CNTNAP2: variants seen among roughly 807,000 people sequenced by gnomAD.
The protein encoded by CNTNAP2 is contactin associated protein 2.
Under a neutral mutation model 155.2 loss-of-function variants are expected in CNTNAP2, and 98 were observed. That is an observed-to-expected ratio of 0.63 (90% CI 0.54 to 0.75). CNTNAP2 has a LOEUF of 0.75. Among genes scored for constraint, CNTNAP2 ranks in the 30% least tolerant of loss-of-function variants. The probability of loss-of-function intolerance (pLI) is 0.00; values close to 1 mark genes in which losing one functional copy is unlikely to be tolerated. For missense variants in CNTNAP2, 1,727 were observed against 1,688.1 expected (o/e 1.02, Z -0.40); for synonymous variants, 651 against 631.2 (o/e 1.03, Z -0.47).
chr7:148,039,159 C>A (rs1230437712), intron 15 of CNTNAP2, among the ~76,000 whole-genome samples: 3 of 152,064 alleles, frequency 2.0e-5, no homozygotes, highest in South Asian at 2.1e-4. Context: ...GCCTCAGAAC[C>A]GGGAAAATTA....
intron 13 of CNTNAP2, among the ~76,000 whole-genome samples, chr7:147,842,412 A>G: frequency 6.6e-6 from 1 of 152,250 alleles, no homozygotes; most frequent in Non-Finnish European, 1.5e-5. Context: ...TATGTTAATA[A>G]TATAATTTTT....
In CNTNAP2 at chr7:146,407,777, A is replaced by G. The variant is rs149388834; in HGVS notation, c.97+290804A>G. Reference sequence around the variant, plus strand: ...TTCACTGTAATGTGGATCTTCTTCTACGTCTGCCACCACTGAGACAGCAAG... The same window carrying G: ...TTCACTGTAATGTGGATCTTCTTCTGCGTCTGCCACCACTGAGACAGCAAG... On this transcript the variant is annotated intron_variant, in intron 1 of 23. Coordinates refer to ENST00000361727, the MANE Select transcript of CNTNAP2 (RefSeq NM_014141.6). Among the ~76,000 whole-genome samples the G allele has an allele frequency of 7.1e-3, 1,088 of 152,176 alleles. 13 individuals are homozygous for G. The highest frequency in any genetic ancestry group is 0.021 in the African/African-American group (886 of 41,512).
intron 2 of CNTNAP2, among the ~76,000 whole-genome samples, chr7:146,812,052 T>G (rs1414855397): frequency 6.6e-6 from 1 of 152,008 alleles, no homozygotes; most frequent in Non-Finnish European, 1.5e-5. Flanking sequence ...ATACAGTAAA[T>G]TGGTACTGGG....
chr7:146,583,429 T>G (rs932279920), intron 1 of CNTNAP2, among the ~76,000 whole-genome samples: 1 of 152,022 alleles, frequency 6.6e-6, no homozygotes, highest in Non-Finnish European at 1.5e-5. Context: ...GAGGAGGGAA[T>G]GAAGTTGAGC....
rs1802784492 is a variant in CNTNAP2 at position 148,046,863 on chromosome 7, A to C, written c.2383+68874A>C. Reference sequence around the variant, plus strand: ...AATGTTCTTCAATTTTTCATTTGTGAAACTGAATAGTCTCTTCTGAAAGAG... The same window carrying C: ...AATGTTCTTCAATTTTTCATTTGTGCAACTGAATAGTCTCTTCTGAAAGAG... On this transcript the variant is annotated intron_variant, in intron 15 of 23. Transcript: ENST00000361727. Among the ~76,000 whole-genome samples, 2 of 152,200 alleles carry C rather than the reference A, an allele frequency of 1.3e-5. 1 individual carries two copies. Among genetic ancestry groups the C allele is most frequent in the South Asian group, 4.1e-4 (2 of 4,826 alleles).
intron 8 of CNTNAP2, among the ~76,000 whole-genome samples, chr7:147,163,777 A>G (rs1802072480): frequency 6.6e-6 from 1 of 152,194 alleles, no homozygotes; most frequent in Non-Finnish European, 1.5e-5. Flanking sequence ...TAAATTGGAC[A>G]TCTCAAATGG....
At chr7:147,050,318 C>T (rs113339093) in intron 4 of CNTNAP2, among the ~76,000 whole-genome samples, 35 of 152,290 alleles carry the variant, frequency 2.3e-4, no homozygotes, top group African/African-American at 6.0e-4. Context: ...ACACAGTGCA[C>T]TGATTAAAGT....
At chr7:147,229,746 G>T (rs929624941) in intron 8 of CNTNAP2, among the ~76,000 whole-genome samples, 1 of 152,038 alleles carries the variant, frequency 6.6e-6, no homozygotes, top group African/African-American at 2.4e-5. Flanking sequence ...AACTTGCAAA[G>T]GTAGATTATT....
In CNTNAP2 at chr7:147,377,881, A is replaced by C. The variant is rs997675209; in HGVS notation, c.1499-17728A>C. 37 of 375,628 alleles carry C rather than the reference A, an allele frequency of 9.9e-5. No individual in the cohort carries two copies. The East Asian group carries it at 2.7e-3, about 27-fold the overall frequency. 23.3% of individuals were successfully genotyped at this position (375,628 alleles called of 1,614,324 possible). A position where few individuals can be genotyped will look rare whatever the true frequency, so the allele number is the denominator to read the frequency against. Reference sequence around the variant, plus strand: ...TGTGCTGTTATAGCATGCTGTGTTTAGTGCTAGATTACCTTTATAAAAATG... The same window carrying C: ...TGTGCTGTTATAGCATGCTGTGTTTCGTGCTAGATTACCTTTATAAAAATG... On this transcript the variant is annotated intron_variant, in intron 9 of 23. Transcript: ENST00000361727.
At chr7:146,287,927 T>G (rs944989995) in intron 1 of CNTNAP2, among the ~76,000 whole-genome samples, 4 of 152,170 alleles carry the variant, frequency 2.6e-5, no homozygotes, top group Admixed American at 6.5e-5. Flanking sequence ...AGTATAAAAA[T>G]AGTTGTCTCC....
At chr7:147,060,365 G>A (rs1169523694) in intron 4 of CNTNAP2, among the ~76,000 whole-genome samples, 1 of 152,164 alleles carries the variant, frequency 6.6e-6, no homozygotes, top group East Asian at 1.9e-4. Flanking sequence ...TGTATTAGGT[G>A]AAGAAAAGCA....
In CNTNAP2 at chr7:148,185,325, A is replaced by T. The variant is rs896855574; in HGVS notation, c.3010+12847A>T. Among the ~76,000 whole-genome samples, 7 of 152,224 alleles carry T rather than the reference A, an allele frequency of 4.6e-5. No individual in the cohort carries two copies. In the East Asian group the frequency reaches 1.3e-3, roughly 29 times the overall value. ...AGTCATTTGGCCTGGAACATCATTA[A>T]AGCAGCAAACACACTTGAGATTAAA... On this transcript the variant is annotated intron_variant, in intron 18 of 23. Transcript: ENST00000361727.
intron 8 of CNTNAP2, among the ~76,000 whole-genome samples, chr7:147,286,775 C>A (rs1453747349): frequency 6.6e-6 from 1 of 152,024 alleles, no homozygotes; most frequent in African/African-American, 2.4e-5. Flanking sequence ...TCATATCTTC[C>A]CTTTCCATTC....
chr7:148,171,875 T>C (rs983107643), intron 17 of CNTNAP2, among the ~76,000 whole-genome samples: 1 of 152,226 alleles, frequency 6.6e-6, no homozygotes, highest in Admixed American at 6.5e-5. Context: ...ATTTTTTCAA[T>C]AAGTAATGCT....
At chr7:146,466,116 C>T (rs986922872) in intron 1 of CNTNAP2, among the ~76,000 whole-genome samples, 1 of 152,060 alleles carries the variant, frequency 6.6e-6, no homozygotes, top group African/African-American at 2.4e-5. Context: ...AAACTAGAAT[C>T]AAAAAGTTGT....
chr7:147,936,332 C>T (rs1203641350), intron 14 of CNTNAP2, among the ~76,000 whole-genome samples: 2 of 147,976 alleles, frequency 1.4e-5, no homozygotes, highest in Non-Finnish European at 3.0e-5. Context: ...TTATTTTGAT[C>T]CAGTGGATCT....
At chr7:146,768,726 G>A (rs1420182266) in intron 1 of CNTNAP2, among the ~76,000 whole-genome samples, 5 of 152,042 alleles carry the variant, frequency 3.3e-5, no homozygotes, top group Non-Finnish European at 7.4e-5. Context: ...AGCTAGCACT[G>A]TCTCATTCTT....
chr7:146,428,517 CAT>C (rs1395827891), intron 1 of CNTNAP2, among the ~76,000 whole-genome samples: 1 of 151,622 alleles, frequency 6.6e-6, no homozygotes, highest in African/African-American at 2.4e-5. Context: ...AGCTTTTTTT[CAT>C]ATGTTTGTTG....
intron 3 of CNTNAP2, among the ~76,000 whole-genome samples, chr7:146,976,917 C>A (rs1397308704): frequency 6.6e-6 from 1 of 152,130 alleles, no homozygotes; most frequent in Non-Finnish European, 1.5e-5. Context: ...GAACAACAAT[C>A]AGACAAGCAG....
Sources: allele counts gnomAD v4.1 joint callset (sites outside exome capture counted in the v4.1 genomes callset), GRCh38; gene constraint gnomAD v4.1.1; transcripts MANE v1.5; gene names NCBI Gene and HGNC (gene_info 2026-07-23, HGNC 2026-07-21).